Variants in ANGPT1 observed in about 807,000 individuals in gnomAD.
The protein encoded by ANGPT1 is angiopoietin 1.
ANGPT1 carries 17 observed loss-of-function variants against 62.2 expected under a neutral mutation model. The ratio of observed to expected loss-of-function variants is 0.27; its 90% CI spans 0.19 to 0.41. ANGPT1 has a LOEUF of 0.41. ANGPT1 is among the 10% of genes least tolerant of loss of function. ANGPT1 has a pLI of 1.00. For synonymous variants in ANGPT1, 199 were observed against 198.9 expected (o/e 1.00, Z 0.00); for missense variants, 478 against 594.9 (o/e 0.80, Z 2.04).
intron 1 of ANGPT1, among the ~76,000 whole-genome samples, chr8:107,353,568 C>T (rs566039724): frequency 6.6e-6 from 1 of 152,154 alleles, no homozygotes; most frequent in Non-Finnish European, 1.5e-5. Context: ...CCATTGATAC[C>T]CATCAGCTGC....
intron 2 of ANGPT1, among the ~76,000 whole-genome samples, chr8:107,345,880 A>T (rs1201898409): frequency 1.3e-5 from 2 of 152,228 alleles, no homozygotes; most frequent in African/African-American, 4.8e-5. Context: ...TTAAGTTCTT[A>T]TTCAATTAGT....
intron 1 of ANGPT1, among the ~76,000 whole-genome samples, chr8:107,452,018 A>G (rs1811790988): frequency 6.6e-6 from 1 of 151,548 alleles, no homozygotes; most frequent in South Asian, 2.1e-4. Context: ...TATGTATACT[A>G]TTTACATGTG....
intron 3 of ANGPT1, among the ~76,000 whole-genome samples, chr8:107,327,646 A>T (rs935331112): frequency 2.0e-5 from 3 of 152,140 alleles, no homozygotes; most frequent in Non-Finnish European, 2.9e-5. Flanking sequence ...TTATGAAACC[A>T]TGCACCTAAA....
chr8:107,436,817 G>T (rs1025155572), intron 1 of ANGPT1, among the ~76,000 whole-genome samples: 13 of 152,090 alleles, frequency 8.5e-5, no homozygotes, highest in African/African-American at 3.1e-4. Flanking sequence ...ACAAACCACT[G>T]AAGTTTACAT....
chr8:107,471,671 T>C (rs1364590179), intron 1 of ANGPT1, among the ~76,000 whole-genome samples: 1 of 152,136 alleles, frequency 6.6e-6, no homozygotes, highest in Admixed American at 6.6e-5. Flanking sequence ...CGTTTGAATG[T>C]ATTTTTTTGC....
intron 7 of ANGPT1, among the ~76,000 whole-genome samples, chr8:107,266,699 G>A (rs1448431860): frequency 6.9e-6 from 1 of 144,840 alleles, no homozygotes; most frequent in Non-Finnish European, 1.6e-5. Context: ...CTCCGCAGTA[G>A]CTTTAAGCTC....
chr8:107,371,637 C>A (rs1816416555), intron 1 of ANGPT1, among the ~76,000 whole-genome samples: 1 of 140,834 alleles, frequency 7.1e-6, no homozygotes, highest in South Asian at 2.3e-4. Context: ...AGTACAGTGG[C>A]ACAATCTTGG....
chr8:107,328,490 AAC>A (rs1423640622), intron 3 of ANGPT1, among the ~76,000 whole-genome samples: 1 of 152,066 alleles, frequency 6.6e-6, no homozygotes, highest in Admixed American at 6.6e-5. Context: ...TACATTTCAT[AAC>A]ACAGAGATGT....
chr8:107,463,870 T>G (rs1812133279), intron 1 of ANGPT1, among the ~76,000 whole-genome samples: 1 of 152,066 alleles, frequency 6.6e-6, no homozygotes, highest in African/African-American at 2.4e-5. Flanking sequence ...ATCAAGAAAC[T>G]CCAGATCTCA....
intron 2 of ANGPT1, among the ~76,000 whole-genome samples, chr8:107,345,204 G>T (rs192656351): frequency 6.6e-6 from 1 of 152,110 alleles, no homozygotes; most frequent in Non-Finnish European, 1.5e-5. Flanking sequence ...TCTTAAAATT[G>T]TTCTCACTGT....
chr8:107,448,497 T>C (rs1269487730), intron 1 of ANGPT1, among the ~76,000 whole-genome samples: 1 of 152,146 alleles, frequency 6.6e-6, no homozygotes, highest in East Asian at 1.9e-4. Flanking sequence ...TTCAGAGGAT[T>C]GCTAAGCAGA....
intron 1 of ANGPT1, among the ~76,000 whole-genome samples, chr8:107,373,593 T>G (rs551771483): frequency 1.3e-5 from 2 of 152,320 alleles, no homozygotes; most frequent in South Asian, 4.1e-4. Flanking sequence ...AAAGATACTA[T>G]TTACCACTTG....
At chr8:107,469,492 T>C (rs1419717363) in intron 1 of ANGPT1, among the ~76,000 whole-genome samples, 2 of 152,024 alleles carry the variant, frequency 1.3e-5, no homozygotes, top group African/African-American at 4.8e-5. Flanking sequence ...AATGCAACCT[T>C]GGAGAACAAA....
At chr8:107,472,972 T>G (rs1442456195) in intron 1 of ANGPT1, among the ~76,000 whole-genome samples, 1 of 152,038 alleles carries the variant, frequency 6.6e-6, no homozygotes, top group Non-Finnish European at 1.5e-5. Flanking sequence ...CCATCTCCAC[T>G]ACCACCAGTA....
At chr8:107,483,008 G>A (rs1026598677) in intron 1 of ANGPT1, among the ~76,000 whole-genome samples, 1 of 151,874 alleles carries the variant, frequency 6.6e-6, no homozygotes, top group Non-Finnish European at 1.5e-5. Flanking sequence ...CAAATATTTG[G>A]TGAATTATTT....
intron 1 of ANGPT1, among the ~76,000 whole-genome samples, chr8:107,401,425 C>T (rs533401120): frequency 1.3e-4 from 20 of 152,120 alleles, no homozygotes; most frequent in Non-Finnish European, 2.6e-4. Flanking sequence ...AATCAAAGAA[C>T]CACTGTAACA....
chr8:107,353,360 C>A (rs1815972680), intron 1 of ANGPT1, among the ~76,000 whole-genome samples: 1 of 152,136 alleles, frequency 6.6e-6, no homozygotes, highest in South Asian at 2.1e-4. Flanking sequence ...GAAACCCAGG[C>A]TCACATCACT....
At chr8:107,343,596 G>C (rs1190886848) in intron 2 of ANGPT1, among the ~76,000 whole-genome samples, 1 of 152,222 alleles carries the variant, frequency 6.6e-6, no homozygotes, top group East Asian at 1.9e-4. Context: ...TAGGAGATTG[G>C]AAAGGTACAT....
intron 4 of ANGPT1, among the ~76,000 whole-genome samples, chr8:107,317,938 G>A (rs551627813): frequency 1.3e-5 from 2 of 152,090 alleles, no homozygotes; most frequent in African/African-American, 4.8e-5. Context: ...GCCAACTAGT[G>A]GTTTTTTAAT....
Sources: gnomAD v4.1 joint callset for allele counts (sites outside exome capture counted in the v4.1 genomes callset) on GRCh38, gnomAD v4.1.1 for gene constraint, MANE v1.5 for transcripts, NCBI Gene and HGNC (gene_info 2026-07-23, HGNC 2026-07-21) for gene names.